Variants in JARID2 observed in about 807,000 individuals in gnomAD.
JARID2 encodes protein Jumonji.
JARID2 carries 21 observed loss-of-function variants against 125.6 expected under a neutral mutation model. The ratio of observed to expected loss-of-function variants is 0.17; its 90% CI spans 0.12 to 0.24. The LOEUF is 0.24. Ranked by LOEUF, JARID2 falls within the 10% of genes least tolerant of loss-of-function variation. The pLI, the probability that JARID2 is intolerant of heterozygous loss-of-function variation, is 1.00. For synonymous variants in JARID2, 736 were observed against 661.6 expected (o/e 1.11, Z -1.73); for missense variants, 1,303 against 1,639.6 (o/e 0.79, Z 3.55).
Position 15,264,612 on chromosome 6 carries a change from A to AGTGTGTGTGTGT in JARID2, c.45+18046_45+18057dup, listed in dbSNP as rs148424538. Among the ~76,000 whole-genome samples the AGTGTGTGTGTGT allele has an allele frequency of 9.9e-3, 1,448 of 146,148 alleles. 7 individuals carry two copies. Among genetic ancestry groups the AGTGTGTGTGTGT allele is most frequent in the South Asian group, 0.017 (76 of 4,486 alleles). On this transcript the variant is annotated intron_variant, in intron 1 of 17. Coordinates refer to ENST00000341776, the MANE Select transcript of JARID2 (RefSeq NM_004973.4). The stretch of plus-strand genomic sequence containing the variant: ...CACCTCAGTTTAGAAGGTAGGTGTG[A>AGTGTGTGTGTGT]GTGTGTGTGTGTGTGTGTGTGTGTG...
intron 1 of JARID2, among the ~76,000 whole-genome samples, chr6:15,319,519 T>A (rs759486879): frequency 6.6e-6 from 1 of 152,170 alleles, no homozygotes; most frequent in Non-Finnish European, 1.5e-5. Context: ...TGCCCCAGTC[T>A]CCTGAGTAGC....
At chr6:15,287,621 A>C (rs1009508522) in intron 1 of JARID2, among the ~76,000 whole-genome samples, 2 of 152,210 alleles carry the variant, frequency 1.3e-5, no homozygotes, top group African/African-American at 4.8e-5. Context: ...CTGTTTCCCT[A>C]TTCAAGTTCA....
intron 1 of JARID2, among the ~76,000 whole-genome samples, chr6:15,371,801 A>G (rs992427277): frequency 1.3e-5 from 2 of 152,142 alleles, no homozygotes; most frequent in Non-Finnish European, 1.5e-5. Flanking sequence ...CTTAGCCTTC[A>G]TGTCCGAACC....
chr6:15,471,504 C>A (rs891973598), intron 5 of JARID2, among the ~76,000 whole-genome samples: 3 of 152,070 alleles, frequency 2.0e-5, no homozygotes, highest in African/African-American at 7.2e-5. Context: ...CGGATTGGGT[C>A]CTTTTCATAA....
chr6:15,339,760 C>T (rs529712849), intron 1 of JARID2, among the ~76,000 whole-genome samples: 8 of 152,204 alleles, frequency 5.3e-5, no homozygotes, highest in African/African-American at 1.9e-4. Flanking sequence ...GTCTCGAACT[C>T]CCAACCTCAG....
At chr6:15,280,687 G>T (rs941582596) in intron 1 of JARID2, among the ~76,000 whole-genome samples, 2 of 149,390 alleles carry the variant, frequency 1.3e-5, no homozygotes, top group Admixed American at 1.3e-4. Context: ...GGAGTGCAGC[G>T]ATGTGATCTA....
intron 1 of JARID2, among the ~76,000 whole-genome samples, chr6:15,351,826 C>T (rs1763437971): frequency 6.6e-6 from 1 of 152,082 alleles, no homozygotes; most frequent in South Asian, 2.1e-4. Context: ...GGAGCAATGG[C>T]CTGAGTCACT....
In JARID2 at chr6:15,496,651, G is replaced by C; in HGVS notation, c.1426G>C (p.Ala476Pro). 6.2e-7 allele frequency: 1 copy of C among 1,612,214 alleles called. No homozygotes were observed. The highest frequency in any genetic ancestry group is 8.5e-7 in the Non-Finnish European group (1 of 1,179,766). Reference sequence around the variant, plus strand: ...CGAAGGCCCTGGCAAGAAGGCCCCGGCCGAGAGAGGTCTGCTGAACGGACA... The same window carrying C: ...CGAAGGCCCTGGCAAGAAGGCCCCGCCCGAGAGAGGTCTGCTGAACGGACA... Reference protein sequence around the residue: ...PAEGPGKKAPAERGLLNGHVK... With the variant: ...PAEGPGKKAPPERGLLNGHVK... Residue 476 changes from alanine (A) to proline (P), a missense_variant, in exon 7 of 18, where the codon GCC (alanine) becomes CCC (proline). Physicochemically the swap from Ala to Pro is conservative, Grantham distance 27. This residue lies in a region of JARID2 where 651 missense variants were observed against 581.6 expected (regional missense o/e 1.12). Transcript: ENST00000341776.
At chr6:15,424,885 C>T (rs1361697329) in intron 3 of JARID2, among the ~76,000 whole-genome samples, 1 of 152,172 alleles carries the variant, frequency 6.6e-6, no homozygotes, top group Non-Finnish European at 1.5e-5. Flanking sequence ...ACAACAACAA[C>T]AACAAACCAG....
chr6:15,334,950 T>C (rs1762828916), intron 1 of JARID2, among the ~76,000 whole-genome samples: 1 of 152,232 alleles, frequency 6.6e-6, no homozygotes, highest in Non-Finnish European at 1.5e-5. Flanking sequence ...ATATTTAATT[T>C]CTTCATGATG....
intron 1 of JARID2, among the ~76,000 whole-genome samples, chr6:15,303,914 G>A (rs1299204229): frequency 2.0e-5 from 3 of 152,140 alleles, no homozygotes; most frequent in Non-Finnish European, 1.5e-5. Flanking sequence ...TAAACCCAGG[G>A]CATAATTTAG....
At chr6:15,296,670 C>T (rs1440502453) in intron 1 of JARID2, among the ~76,000 whole-genome samples, 1 of 152,168 alleles carries the variant, frequency 6.6e-6, no homozygotes, top group African/African-American at 2.4e-5. Flanking sequence ...TGTTCCCAAG[C>T]CATAGTTAAC....
At chr6:15,343,368 G>C (rs1763137744) in intron 1 of JARID2, among the ~76,000 whole-genome samples, 1 of 150,088 alleles carries the variant, frequency 6.7e-6, no homozygotes, top group South Asian at 2.1e-4. Context: ...TTTAATTCCA[G>C]ATGGAAGAGT....
chr6:15,483,388 G>GT (rs56938840), intron 5 of JARID2, among the ~76,000 whole-genome samples: 97,080 of 148,628 alleles, frequency 0.65, 31,555 homozygotes, highest in East Asian at 0.8. Flanking sequence ...GAAACTGGCT[G>GT]TTTTTTTTTT....
chr6:15,367,193 T>C (rs1157355011), intron 1 of JARID2, among the ~76,000 whole-genome samples: 1 of 152,256 alleles, frequency 6.6e-6, no homozygotes, highest in African/African-American at 2.4e-5. Flanking sequence ...GGAAATTAAC[T>C]GTCTTCCATT....
intron 3 of JARID2, among the ~76,000 whole-genome samples, chr6:15,433,608 T>A (rs535628430): frequency 1.3e-4 from 20 of 152,280 alleles, no homozygotes; most frequent in South Asian, 4.1e-4. Context: ...ATGCTGGCTT[T>A]AATTTTATAT....
chr6:15,401,130 A>C (rs1581507302), intron 2 of JARID2: 1 of 1,271,208 alleles, frequency 7.9e-7, no homozygotes, highest in East Asian at 5.6e-5. Flanking sequence ...GGTCCTGATT[A>C]AATCCATTGT....
At chr6:15,386,659 T>A (rs1281828649) in intron 2 of JARID2, among the ~76,000 whole-genome samples, 4 of 152,222 alleles carry the variant, frequency 2.6e-5, no homozygotes, top group Non-Finnish European at 4.4e-5. Flanking sequence ...ATTGTGGAGT[T>A]CCTCAACACC....
chr6:15,313,366 G>A (rs1762078240), intron 1 of JARID2, among the ~76,000 whole-genome samples: 1 of 152,144 alleles, frequency 6.6e-6, no homozygotes, highest in Admixed American at 6.5e-5. Flanking sequence ...TGGAGGTTGG[G>A]GTAGGGTAGC....
Sources: allele counts gnomAD v4.1 joint callset (sites outside exome capture counted in the v4.1 genomes callset), GRCh38; gene constraint gnomAD v4.1.1; regional missense constraint gnomAD v4.1.1; transcripts MANE v1.5; gene names NCBI Gene and HGNC (gene_info 2026-07-23, HGNC 2026-07-21).